GPR39: variants seen among roughly 807,000 people sequenced by gnomAD.
GPR39 encodes the protein zinc sensing receptor.
GPR39 carries 23 observed loss-of-function variants against 18.4 expected under a neutral mutation model. The observed-to-expected ratio is 1.25, with a 90% CI of 0.90 to 1.77. The LOEUF is 1.77. Ranked by LOEUF, GPR39 falls within the 40% of genes most tolerant of loss-of-function variation. GPR39 has a pLI of 0.00. For synonymous variants in GPR39, 280 were observed against 257.9 expected (o/e 1.09, Z -0.82); for missense variants, 647 against 602.4 (o/e 1.07, Z -0.78).
At chr2:132,628,217 C>A (rs1191583902) in intron 1 of GPR39, among the ~76,000 whole-genome samples, 1 of 152,206 alleles carries the variant, frequency 6.6e-6, no homozygotes, top group East Asian at 1.9e-4. Flanking sequence ...TTCCAGATTT[C>A]TGGAACTTGC....
rs1682080815 is a variant in GPR39 at position 132,646,403 on chromosome 2, G to C, written c.*797G>C. ...CTCCCACAGCCCAGAGACTAGGTGA[G>C]GTCAGGGAAGTGCTTCGGATTGTCT... On this transcript the variant is annotated 3_prime_UTR_variant, in exon 2 of 2. Coordinates refer to ENST00000329321, the MANE Select transcript of GPR39 (RefSeq NM_001508.3). 1 of 509,644 alleles carries C rather than the reference G, an allele frequency of 2.0e-6. No individual in the cohort carries two copies. Among genetic ancestry groups the C allele is most frequent in the Non-Finnish European group, 3.3e-6 (1 of 306,326 alleles). 31.6% of individuals were successfully genotyped at this position (509,644 alleles called of 1,614,324 possible).
intron 1 of GPR39, among the ~76,000 whole-genome samples, chr2:132,448,747 G>A (rs1680581932): frequency 6.6e-6 from 1 of 152,166 alleles, no homozygotes. Context: ...AAACTGCAAT[G>A]TCTCTTCCAT....
chr2:132,585,450 A>ATCCCCTTCCG (rs1484628244), intron 1 of GPR39, among the ~76,000 whole-genome samples: 1 of 151,804 alleles, frequency 6.6e-6, no homozygotes, highest in Non-Finnish European at 1.5e-5. Context: ...TTTCTTTCCC[A>ATCCCCTTCCG]TCCCCTTCCG....
At position 132,417,746 on chromosome 2, in the gene GPR39, T is replaced by A. The variant is rs1487461650; in HGVS notation, c.704T>A (p.Leu235Gln). ...FGAFVVYLVV[L>Q]LSVAFMCWNM... is the part of the protein sequence containing the mutation. ...GCCTTCGTGGTCTACCTCGTGGTCCTGCTCTCCGTAGCCTTCATGTGCTGG... is the reference window on the plus strand; with the variant it reads ...GCCTTCGTGGTCTACCTCGTGGTCCAGCTCTCCGTAGCCTTCATGTGCTGG... The change falls in exon 1 of 2, where the codon CTG becomes CAG. Residue 235 changes from leucine (L) to glutamine (Q), a missense_variant. Physicochemically the swap from Leu to Gln is moderately radical, Grantham distance 113 (BLOSUM62 -2). This residue lies in a region of GPR39 where 581 missense variants were observed against 506.8 expected (regional missense o/e 1.15). Transcript: ENST00000329321. 3 of 1,614,082 alleles carry A rather than the reference T, an allele frequency of 1.9e-6. No homozygotes were observed. Among genetic ancestry groups the A allele is most frequent in the African/African-American group, 1.3e-5 (1 of 74,946 alleles).
intron 1 of GPR39, among the ~76,000 whole-genome samples, chr2:132,468,648 CAG>C (rs535535880): frequency 2.0e-4 from 31 of 152,300 alleles, no homozygotes; most frequent in African/African-American, 6.7e-4. Flanking sequence ...GGGTTTTAAA[CAG>C]AAAACAGAGG....
At chr2:132,418,333 G>T (rs769709225) in intron 1 of GPR39, among the ~76,000 whole-genome samples, 37 of 152,150 alleles carry the variant, frequency 2.4e-4, no homozygotes, top group Non-Finnish European at 2.4e-4. Context: ...TTTACCCGGG[G>T]AAGACTTTCT....
At chr2:132,589,719 A>G (rs1284003847) in intron 1 of GPR39, among the ~76,000 whole-genome samples, 2 of 152,256 alleles carry the variant, frequency 1.3e-5, no homozygotes, top group African/African-American at 2.4e-5. Context: ...TTAAGGGATC[A>G]GTATTTCCCA....
Position 132,492,795 on chromosome 2 carries a change from TATATACC to T in GPR39, c.856+74903_856+74909del, listed in dbSNP as rs1361120152. ...CCATATATATACCATATATATACCA[TATATACC>T]ATATATATACATACCATATATATAC... On this transcript the variant is annotated intron_variant, in intron 1 of 1. Transcript: ENST00000329321. 3.4e-4 allele frequency among the ~76,000 whole-genome samples: 47 copies of T among 137,276 alleles called. 5 individuals are homozygous for T. The highest frequency in any genetic ancestry group is 1.9e-4 in the Non-Finnish European group (12 of 64,296). 90.1% of individuals were successfully genotyped at this position (137,276 alleles called of 152,430 possible).
chr2:132,456,550 A>C (rs1028129226), intron 1 of GPR39, among the ~76,000 whole-genome samples: 3 of 152,112 alleles, frequency 2.0e-5, no homozygotes, highest in Non-Finnish European at 2.9e-5. Context: ...TTGCCCGTTC[A>C]TTGATGCAGT....
chr2:132,557,815 A>T (rs1176286649), intron 1 of GPR39, among the ~76,000 whole-genome samples: 1 of 152,142 alleles, frequency 6.6e-6, no homozygotes, highest in Non-Finnish European at 1.5e-5. Flanking sequence ...TTACAAGAGG[A>T]TGTAACTTAG....
At chr2:132,622,926 A>G (rs1419463156) in intron 1 of GPR39, among the ~76,000 whole-genome samples, 2 of 152,080 alleles carry the variant, frequency 1.3e-5, no homozygotes, top group Non-Finnish European at 2.9e-5. Flanking sequence ...AGCCTAACCA[A>G]CCTGGTGAAA....
intron 1 of GPR39, among the ~76,000 whole-genome samples, chr2:132,525,615 G>A (rs1310014063): frequency 2.0e-5 from 3 of 152,208 alleles, no homozygotes; most frequent in Non-Finnish European, 2.9e-5. Context: ...TACGAACACT[G>A]TGATCGTTTC....
At chr2:132,441,878 C>T (rs1002118947) in intron 1 of GPR39, among the ~76,000 whole-genome samples, 3 of 152,140 alleles carry the variant, frequency 2.0e-5, no homozygotes, top group African/African-American at 7.2e-5. Flanking sequence ...GGAGATCTTG[C>T]CGTGTGCTTG....
At chr2:132,592,526 C>CT (rs1680864296) in intron 1 of GPR39, among the ~76,000 whole-genome samples, 1 of 152,158 alleles carries the variant, frequency 6.6e-6, no homozygotes, top group Admixed American at 6.5e-5. Flanking sequence ...AAGACTTCAT[C>CT]TTTTTCTTGG....
At chr2:132,569,957 A>G (rs1169647993) in intron 1 of GPR39, among the ~76,000 whole-genome samples, 1 of 152,168 alleles carries the variant, frequency 6.6e-6, no homozygotes, top group African/African-American at 2.4e-5. Context: ...CTGTAAATCC[A>G]AGAGACCTCT....
At chr2:132,589,228 G>A (rs1313311083) in intron 1 of GPR39, among the ~76,000 whole-genome samples, 3 of 151,892 alleles carry the variant, frequency 2.0e-5, no homozygotes, top group Non-Finnish European at 2.9e-5. Context: ...CCTCCCCATT[G>A]CCCCTCTGCC....
At chr2:132,635,091 A>G (rs773627186) in intron 1 of GPR39, among the ~76,000 whole-genome samples, 4 of 151,880 alleles carry the variant, frequency 2.6e-5, no homozygotes, top group Non-Finnish European at 5.9e-5. Context: ...CTCCATTCCC[A>G]CTCTTTCTTT....
chr2:132,618,238 A>G (rs913175844), intron 1 of GPR39, among the ~76,000 whole-genome samples: 3 of 152,136 alleles, frequency 2.0e-5, no homozygotes, highest in African/African-American at 7.2e-5. Context: ...TCACTCCAAC[A>G]TTCTCCCATT....
chr2:132,588,519 C>G (rs962323567), intron 1 of GPR39, among the ~76,000 whole-genome samples: 1 of 152,152 alleles, frequency 6.6e-6, no homozygotes, highest in Non-Finnish European at 1.5e-5. Context: ...GGCTGGGAGC[C>G]TAGAATTATC....
Sources: allele counts gnomAD v4.1 joint callset (sites outside exome capture counted in the v4.1 genomes callset), GRCh38; gene constraint gnomAD v4.1.1; regional missense constraint gnomAD v4.1.1; transcripts MANE v1.5; gene names NCBI Gene and HGNC (gene_info 2026-07-23, HGNC 2026-07-21).